The following PDZD2 variants were observed in gnomAD, a reference collection of about 807,000 sequenced individuals.
The protein encoded by PDZD2 is PDZ domain containing 2.
In PDZD2, 90 loss-of-function variants were observed where a neutral mutation model predicts 220.7. The ratio of observed to expected loss-of-function variants is 0.41; its 90% CI spans 0.34 to 0.49. The LOEUF is 0.49. Among genes scored for constraint, PDZD2 ranks in the 20% least tolerant of loss-of-function variants. The probability of loss-of-function intolerance (pLI) is 0.28; values close to 1 mark genes in which losing one functional copy is unlikely to be tolerated. For missense variants in PDZD2, 3,174 were observed against 3,608.5 expected, an observed-to-expected ratio of 0.88 and a Z score of 3.08; for synonymous variants, 1,375 against 1,450.5, an observed-to-expected ratio of 0.95 and a Z score of 1.18.
intron 2 of PDZD2, among the ~76,000 whole-genome samples, chr5:31,943,400 C>T (rs1036357243): frequency 6.6e-6 from 1 of 152,218 alleles, no homozygotes; most frequent in South Asian, 2.1e-4. Context: ...CCGTTCAGAA[C>T]TCAGCATCAG....
intron 1 of PDZD2, among the ~76,000 whole-genome samples, chr5:31,700,899 A>G (rs971411867): frequency 2.6e-5 from 4 of 152,186 alleles, no homozygotes; most frequent in African/African-American, 7.2e-5. Flanking sequence ...TCCGAATGTC[A>G]GGAGCTAGAC....
At chr5:31,748,308 C>CCGA (rs1290814428) in intron 1 of PDZD2, among the ~76,000 whole-genome samples, 170 of 152,306 alleles carry the variant, frequency 1.1e-3, no homozygotes, top group African/African-American at 4.0e-3. Context: ...GAGTCAGAAG[C>CCGA]CTTGGATTCT....
intron 2 of PDZD2, among the ~76,000 whole-genome samples, chr5:31,859,075 C>A (rs536219430): frequency 2.5e-4 from 38 of 152,202 alleles, no homozygotes; most frequent in Admixed American, 5.2e-4. Context: ...GGTCCTGTGG[C>A]CCCACCCAGA....
Position 32,098,233 on chromosome 5 carries a change from C to G in PDZD2, c.7948-131C>G. ...CTCCAGCCTGGGTGACACAGCGAGA[C>G]TCCCTCTCAAAAAATAAAAATAAAA... On this transcript the variant is annotated intron_variant, in intron 22 of 24. Coordinates refer to ENST00000438447, the MANE Select transcript of PDZD2 (RefSeq NM_178140.4). This position sits in a 1 kb window ranked among gnomAD's most constrained non-coding sequence, Gnocchi z 4.1. 1.1e-6 allele frequency: 1 copy of G among 887,892 alleles called. No homozygotes were observed. Among genetic ancestry groups the G allele is most frequent in the Non-Finnish European group, 1.7e-6 (1 of 590,334 alleles). 55.0% of individuals were successfully genotyped at this position (887,892 alleles called of 1,614,324 possible). A position where few individuals can be genotyped will look rare whatever the true frequency, so the allele number is the denominator to read the frequency against.
intron 6 of PDZD2, among the ~76,000 whole-genome samples, chr5:32,030,780 G>A (rs931977088): frequency 1.3e-5 from 2 of 152,090 alleles, no homozygotes; most frequent in Non-Finnish European, 2.9e-5. Context: ...CTCCTATCAG[G>A]CCAGCATCAA....
intron 7 of PDZD2, among the ~76,000 whole-genome samples, chr5:32,038,747 A>G (rs1353688052): frequency 2.0e-5 from 3 of 152,128 alleles, no homozygotes; most frequent in Admixed American, 2.0e-4. Context: ...GTCATCTGGT[A>G]TGGCAGGAAA....
chr5:32,007,527 T>TG (rs1752927568), intron 5 of PDZD2, among the ~76,000 whole-genome samples: 1 of 152,200 alleles, frequency 6.6e-6, no homozygotes, highest in African/African-American at 2.4e-5. Flanking sequence ...ATTCAAATTA[T>TG]CTTCAGGTAC....
At chr5:31,921,038 A>G (rs1269107620) in intron 2 of PDZD2, among the ~76,000 whole-genome samples, 3 of 152,192 alleles carry the variant, frequency 2.0e-5, no homozygotes, top group African/African-American at 4.8e-5. Flanking sequence ...GGTCATTTCC[A>G]AGTTTTGGCA....
chr5:31,962,257 A>G (rs1396915708), intron 2 of PDZD2, among the ~76,000 whole-genome samples: 5 of 152,104 alleles, frequency 3.3e-5, no homozygotes, highest in African/African-American at 1.2e-4. Flanking sequence ...CCTTTAAGTC[A>G]TTTCTGACTT....
At chr5:31,999,544 A>G (rs919241885) in intron 4 of PDZD2, among the ~76,000 whole-genome samples, 10 of 151,922 alleles carry the variant, frequency 6.6e-5, no homozygotes, top group African/African-American at 2.4e-4. Context: ...AACATACTTT[A>G]AAAAAAAGAA....
chr5:32,062,640 C>A (rs1197906844), intron 14 of PDZD2, among the ~76,000 whole-genome samples: 1 of 152,154 alleles, frequency 6.6e-6, no homozygotes, highest in Non-Finnish European at 1.5e-5. Flanking sequence ...GGCATCCACA[C>A]ACCTTGGCCT....
intron 2 of PDZD2, among the ~76,000 whole-genome samples, chr5:31,908,008 G>A (rs536784875): frequency 6.7e-6 from 1 of 149,010 alleles, no homozygotes; most frequent in Non-Finnish European, 1.5e-5. Context: ...GCTTGAACCC[G>A]GGAGGCGGAG....
At chr5:31,669,815 A>G (rs911796844) in intron 1 of PDZD2, among the ~76,000 whole-genome samples, 2 of 152,138 alleles carry the variant, frequency 1.3e-5, no homozygotes, top group African/African-American at 4.8e-5. Context: ...GCTACCATCT[A>G]TCACCCGAAG....
chr5:31,736,300 G>T (rs1049090017), intron 1 of PDZD2, among the ~76,000 whole-genome samples: 11 of 152,162 alleles, frequency 7.2e-5, no homozygotes, highest in African/African-American at 2.2e-4. Flanking sequence ...AGGGCTCGTG[G>T]GTGCTACGGC....
At chr5:31,892,302 A>G (rs140717711) in intron 2 of PDZD2, among the ~76,000 whole-genome samples, 15 of 152,358 alleles carry the variant, frequency 9.8e-5, no homozygotes, top group African/African-American at 3.4e-4. Flanking sequence ...GCTGACCAGC[A>G]ATAACCACAG....
chr5:32,089,980 A>G lies in PDZD2; in HGVS notation c.6532A>G (p.Ile2178Val), dbSNP rs749458437. The G allele has an allele frequency of 2.5e-6, 4 of 1,603,262 alleles. No homozygotes were observed. In the South Asian group the frequency reaches 3.4e-5, roughly 13 times the overall value. ...ASSSSSLQTA[I>V]RKAEYSQGKS... is the part of the protein sequence containing the mutation. ...CTCCTCCTCCTCCCTTCAAACAGCC[A>G]TTAGAAAGGCAGAATACTCCCAGGG... Residue 2178 changes from isoleucine (I) to valine (V), a missense_variant, in exon 20 of 25, where the codon ATT becomes GTT. By Grantham distance (29) the Ile-to-Val change is conservative (BLOSUM62 3). Coordinates refer to ENST00000438447, the MANE Select transcript of PDZD2 (RefSeq NM_178140.4).
At chr5:32,003,331 C>CCCCCCACACCCA (rs764711883) in intron 5 of PDZD2, among the ~76,000 whole-genome samples, 1 of 69,710 alleles carries the variant, frequency 1.4e-5, no homozygotes, top group Non-Finnish European at 2.5e-5. Context: ...ACACACACCC[C>CCCCCCACACCCA]CACCACACCA....
intron 2 of PDZD2, among the ~76,000 whole-genome samples, chr5:31,895,035 AC>A (rs1199738275): frequency 1.3e-5 from 2 of 151,940 alleles, no homozygotes; most frequent in African/African-American, 2.4e-5. Flanking sequence ...GATTACAGGC[AC>A]CCGCCACCAC....
intron 2 of PDZD2, among the ~76,000 whole-genome samples, chr5:31,880,791 C>CT (rs1037018187): frequency 0.02 from 1,521 of 76,620 alleles, 62 homozygotes; most frequent in East Asian, 0.03. Flanking sequence ...TTTTTTTTTT[C>CT]TTTTTTTTTT....
Sources: gnomAD v4.1 joint callset for allele counts (sites outside exome capture counted in the v4.1 genomes callset) on GRCh38, gnomAD v4.1.1 for gene constraint, Gnocchi (gnomAD v3.1) non-coding constraint, MANE v1.5 for transcripts, NCBI Gene and HGNC (gene_info 2026-07-23, HGNC 2026-07-21) for gene names.